The following CSMD1 variants were observed in gnomAD, a reference collection of about 807,000 sequenced individuals.
The protein encoded by CSMD1 is CUB and sushi domain-containing protein 1.
Under a neutral mutation model 417.5 loss-of-function variants are expected in CSMD1, and 213 were observed. The observed-to-expected ratio is 0.51, with a 90% CI of 0.46 to 0.57. The LOEUF (loss-of-function observed/expected upper bound fraction) is 0.57, where lower values mean the gene tolerates loss of function less well. Among genes scored for constraint, CSMD1 ranks in the 20% least tolerant of loss-of-function variants. CSMD1 has a pLI of 0.00. For synonymous variants in CSMD1, 2,862 were observed against 1,736.8 expected, an observed-to-expected ratio of 1.65 and a Z score of -16.11; for missense variants, 6,923 against 4,529.7, an observed-to-expected ratio of 1.53 and a Z score of -15.17.
At chr8:4,954,000 C>A (rs1213798109) in intron 1 of CSMD1, among the ~76,000 whole-genome samples, 1 of 152,118 alleles carries the variant, frequency 6.6e-6, no homozygotes, top group Non-Finnish European at 1.5e-5. Flanking sequence ...AACACAGCAG[C>A]AATGAAGACG....
chr8:4,306,103 T>G (rs1798228753), intron 3 of CSMD1, among the ~76,000 whole-genome samples: 1 of 152,224 alleles, frequency 6.6e-6, no homozygotes, highest in South Asian at 2.1e-4. Flanking sequence ...AATCTTCTTT[T>G]GCTTTTTAAA....
intron 1 of CSMD1, among the ~76,000 whole-genome samples, chr8:4,705,198 T>A (rs1417281969): frequency 6.6e-6 from 1 of 152,158 alleles, no homozygotes; most frequent in East Asian, 1.9e-4. Flanking sequence ...TTCCCACCCA[T>A]GAAGAACTGT....
chr8:4,123,960 A>G (rs1296062004), intron 3 of CSMD1, among the ~76,000 whole-genome samples: 1 of 152,182 alleles, frequency 6.6e-6, no homozygotes, highest in Non-Finnish European at 1.5e-5. Flanking sequence ...AAAAAGCTGG[A>G]AAAAAGTTTC....
intron 12 of CSMD1, among the ~76,000 whole-genome samples, chr8:3,453,492 A>C (rs1029778131): frequency 6.6e-6 from 1 of 152,160 alleles, no homozygotes; most frequent in Non-Finnish European, 1.5e-5. Flanking sequence ...AATGTGTCCC[A>C]GAGATTCTGG....
chr8:4,384,179 C>T (rs1044891001), intron 3 of CSMD1, among the ~76,000 whole-genome samples: 1 of 152,186 alleles, frequency 6.6e-6, no homozygotes, highest in Non-Finnish European at 1.5e-5. Context: ...CTAAGAAAGA[C>T]ATCCTGCTCA....
chr8:4,914,978 A>C (rs189981003), intron 1 of CSMD1, among the ~76,000 whole-genome samples: 3 of 152,332 alleles, frequency 2.0e-5, no homozygotes, highest in African/African-American at 7.2e-5. Context: ...TTTCATGTGA[A>C]ATTACCAGGC....
At chr8:4,585,741 A>G (rs996155402) in intron 2 of CSMD1, among the ~76,000 whole-genome samples, 64 of 152,352 alleles carry the variant, frequency 4.2e-4, no homozygotes, top group African/African-American at 1.5e-3. Flanking sequence ...GATGACCAAC[A>G]TAGAGCTCTA....
intron 54 of CSMD1, among the ~76,000 whole-genome samples, chr8:2,987,797 C>T (rs554496897): frequency 4.4e-4 from 67 of 152,182 alleles, no homozygotes; most frequent in Non-Finnish European, 9.0e-4. Context: ...GTCTCAGGGT[C>T]CCTGGGCTCA....
At chr8:4,024,307 C>A (rs1410075856) in intron 4 of CSMD1, among the ~76,000 whole-genome samples, 1 of 152,106 alleles carries the variant, frequency 6.6e-6, no homozygotes, top group South Asian at 2.1e-4. Flanking sequence ...AAACAAATTA[C>A]ATAAAAGACA....
chr8:4,058,507 C>T (rs534749140), intron 3 of CSMD1, among the ~76,000 whole-genome samples: 123 of 152,212 alleles, frequency 8.1e-4, no homozygotes, highest in Non-Finnish European at 5.9e-4. Context: ...TCCTCTTTTC[C>T]TAACTGAATA....
rs397969991 is a variant in CSMD1, at chr8:4,622,172, T to TAA, written c.302+15168_302+15169dup. Among the ~76,000 whole-genome samples the TAA allele has an allele frequency of 3.9e-3, 510 of 131,596 alleles. 5 individuals are homozygous for TAA. Among genetic ancestry groups the TAA allele is most frequent in the African/African-American group, 0.012 (447 of 36,316 alleles). The allele number at this position is 131,596 out of a possible 152,430, so 86.3% of individuals were successfully genotyped here. ...AAACGCAAAGAGGGGTAAAGAGAATTAAAAAAAAAAAAAAAGAATGGCAGA... is the reference window on the plus strand; with the variant it reads ...AAACGCAAAGAGGGGTAAAGAGAATTAAAAAAAAAAAAAAAAAGAATGGCAGA... On this transcript the variant is annotated intron_variant, in intron 2 of 69. Transcript: ENST00000635120.
At chr8:3,528,939 G>C (rs546871055) in intron 10 of CSMD1, among the ~76,000 whole-genome samples, 1 of 152,044 alleles carries the variant, frequency 6.6e-6, no homozygotes, top group Non-Finnish European at 1.5e-5. Flanking sequence ...ATAATCCTTA[G>C]ATAATTACAT....
chr8:4,461,203 A>C (rs1225470148), intron 2 of CSMD1, among the ~76,000 whole-genome samples: 1 of 151,986 alleles, frequency 6.6e-6, no homozygotes, highest in Non-Finnish European at 1.5e-5. Flanking sequence ...TTGATGATAA[A>C]AACAATTAAC....
At chr8:4,446,642 C>G (rs1425088209) in intron 2 of CSMD1, among the ~76,000 whole-genome samples, 1 of 152,070 alleles carries the variant, frequency 6.6e-6, no homozygotes, top group Non-Finnish European at 1.5e-5. Flanking sequence ...CAAACTCTGC[C>G]TCCTAGATTT....
At chr8:3,342,989 G>A (rs1308858228) in intron 23 of CSMD1, among the ~76,000 whole-genome samples, 1 of 152,046 alleles carries the variant, frequency 6.6e-6, no homozygotes, top group African/African-American at 2.4e-5. Flanking sequence ...ACATGAATTT[G>A]TATCAATGTA....
chr8:4,164,313 T>A (rs1483080506), intron 3 of CSMD1, among the ~76,000 whole-genome samples: 1 of 152,190 alleles, frequency 6.6e-6, no homozygotes, highest in African/African-American at 2.4e-5. Flanking sequence ...AGAATCCATC[T>A]ACATTTAAAA....
At chr8:4,966,583 A>C (rs1809873935) in intron 1 of CSMD1, among the ~76,000 whole-genome samples, 1 of 152,122 alleles carries the variant, frequency 6.6e-6, no homozygotes, top group Admixed American at 6.6e-5. Flanking sequence ...CTGACATGCT[A>C]AATACATTTG....
At chr8:4,093,224 C>G (rs1195510605) in intron 3 of CSMD1, among the ~76,000 whole-genome samples, 1 of 151,520 alleles carries the variant, frequency 6.6e-6, no homozygotes. Flanking sequence ...GTATAATTTA[C>G]CTATGTTTAC....
At position 3,708,395 on chromosome 8, in the gene CSMD1, A is replaced by G; in HGVS notation, c.1009+19T>C. The G allele has an allele frequency of 1.2e-6, 2 of 1,608,754 alleles. No homozygotes were observed. The highest frequency in any genetic ancestry group is 1.7e-6 in the Non-Finnish European group (2 of 1,175,082). ...TACAAGGGCGTATCAATCCTCAGATAGAAAGGAAAGGGACTCACAGACAGA... is the reference window on the plus strand; with the variant it reads ...TACAAGGGCGTATCAATCCTCAGATGGAAAGGAAAGGGACTCACAGACAGA... On this transcript the variant is annotated intron_variant, in intron 7 of 69. Transcript: ENST00000635120.
Sources: gnomAD v4.1 joint callset for allele counts (sites outside exome capture counted in the v4.1 genomes callset) on GRCh38, gnomAD v4.1.1 for gene constraint, MANE v1.5 for transcripts, NCBI Gene and HGNC (gene_info 2026-07-23, HGNC 2026-07-21) for gene names.